PPP1R9A: variants seen among roughly 807,000 people sequenced by gnomAD.
The protein encoded by PPP1R9A is neurabin-1.
Under a neutral mutation model 141.9 loss-of-function variants are expected in PPP1R9A, and 59 were observed. The observed-to-expected ratio is 0.42, with a 90% CI of 0.34 to 0.52. The LOEUF (loss-of-function observed/expected upper bound fraction) is 0.52, where lower values mean the gene tolerates loss of function less well. Among genes scored for constraint, PPP1R9A ranks in the 20% least tolerant of loss-of-function variants. The probability of loss-of-function intolerance (pLI) is 0.10; values close to 1 mark genes in which losing one functional copy is unlikely to be tolerated. For missense variants in PPP1R9A, 1,444 were observed against 1,611.9 expected (o/e 0.90, Z 1.78); for synonymous variants, 500 against 569.7 (o/e 0.88, Z 1.74).
chr7:95,092,893 A>G (rs894238628), intron 2 of PPP1R9A, among the ~76,000 whole-genome samples: 6 of 152,318 alleles, frequency 3.9e-5, no homozygotes, highest in African/African-American at 1.4e-4. Flanking sequence ...TGAGAGAGTG[A>G]GGCTTAATTC....
At chr7:95,104,215 A>T (rs1340031877) in intron 2 of PPP1R9A, among the ~76,000 whole-genome samples, 1 of 152,168 alleles carries the variant, frequency 6.6e-6, no homozygotes, top group African/African-American at 2.4e-5. Flanking sequence ...TGGAGTAATA[A>T]CCTAACTAGT....
chr7:95,037,630 G>C (rs187783464), intron 2 of PPP1R9A, among the ~76,000 whole-genome samples: 1 of 152,238 alleles, frequency 6.6e-6, no homozygotes, highest in Admixed American at 6.5e-5. Flanking sequence ...CTTTGAATAT[G>C]CTCTATTCAT....
chr7:95,240,271 T>G (rs748999980), intron 8 of PPP1R9A, among the ~76,000 whole-genome samples: 2 of 152,076 alleles, frequency 1.3e-5, no homozygotes, highest in African/African-American at 4.8e-5. Context: ...GTTTTCACCT[T>G]GTACTTTAAA....
At chr7:95,269,553 C>T in intron 14 of PPP1R9A, 46 bp downstream of exon 14, 8 of 1,450,562 alleles carry the variant, frequency 5.5e-6, no homozygotes, top group Non-Finnish European at 7.5e-6. Context: ...TCAGCTTGTA[C>T]AGTATAAAAA....
At chr7:95,280,139 A>G (rs1803920204) in intron 16 of PPP1R9A, among the ~76,000 whole-genome samples, 1 of 152,210 alleles carries the variant, frequency 6.6e-6, no homozygotes, top group South Asian at 2.1e-4. Context: ...TCTAGATCCC[A>G]TTTAGATGAG....
At chr7:95,245,034 T>C (rs1337601340) in intron 8 of PPP1R9A, among the ~76,000 whole-genome samples, 1 of 152,202 alleles carries the variant, frequency 6.6e-6, no homozygotes. Flanking sequence ...GCTTGGCACA[T>C]GGTTGAAAGA....
At chr7:94,957,315 C>G (rs1287805415) in intron 2 of PPP1R9A, among the ~76,000 whole-genome samples, 1 of 152,034 alleles carries the variant, frequency 6.6e-6, no homozygotes, top group Non-Finnish European at 1.5e-5. Flanking sequence ...CTTGAAGTTC[C>G]TTATCTCTTA....
intron 2 of PPP1R9A, among the ~76,000 whole-genome samples, chr7:94,931,499 A>ATACTAC (rs912300473): frequency 6.6e-6 from 1 of 152,206 alleles, no homozygotes. Context: ...AATACTAGGT[A>ATACTAC]TACTAACCAA....
intron 4 of PPP1R9A, among the ~76,000 whole-genome samples, chr7:95,146,857 T>C (rs995835869): frequency 1.3e-5 from 2 of 152,230 alleles, no homozygotes; most frequent in Non-Finnish European, 2.9e-5. Context: ...TTGGCTTATA[T>C]ATCTGTTTTG....
chr7:95,123,220 T>C (rs529181010), intron 4 of PPP1R9A, among the ~76,000 whole-genome samples: 38 of 152,368 alleles, frequency 2.5e-4, no homozygotes, highest in African/African-American at 7.9e-4. Flanking sequence ...TATTTATAAC[T>C]ACATTAGAAC....
At chr7:95,181,242 T>C (rs1354552830) in intron 5 of PPP1R9A, among the ~76,000 whole-genome samples, 1 of 143,268 alleles carries the variant, frequency 7.0e-6, no homozygotes, top group Non-Finnish European at 1.5e-5. Flanking sequence ...ATATATAGTA[T>C]ATAGAGAATA....
intron 2 of PPP1R9A, among the ~76,000 whole-genome samples, chr7:95,058,886 T>C: frequency 6.6e-6 from 1 of 152,074 alleles, no homozygotes. Context: ...GACTCCCTGG[T>C]TCAAGTGATT....
chr7:95,155,093 T>C (rs768599410), intron 4 of PPP1R9A: 1 of 151,406 alleles, frequency 6.6e-6, no homozygotes, highest in Non-Finnish European at 1.5e-5. Flanking sequence ...GAAAAGAAAA[T>C]GAAAAATTCA....
intron 2 of PPP1R9A, among the ~76,000 whole-genome samples, chr7:95,052,759 T>C (rs1291569859): frequency 2.0e-5 from 3 of 152,214 alleles, no homozygotes; most frequent in Non-Finnish European, 4.4e-5. Context: ...GTTTTAGTTA[T>C]TGGCATCAAC....
intron 2 of PPP1R9A, among the ~76,000 whole-genome samples, chr7:95,055,806 CTAAG>C (rs1563174397): frequency 6.6e-6 from 1 of 152,094 alleles, no homozygotes; most frequent in African/African-American, 2.4e-5. Flanking sequence ...ACAATACACT[CTAAG>C]TTTGACCTCA....
At chr7:94,926,195 T>TGGG (rs1793465461) in intron 2 of PPP1R9A, among the ~76,000 whole-genome samples, 1 of 152,204 alleles carries the variant, frequency 6.6e-6, no homozygotes, top group African/African-American at 2.4e-5. Flanking sequence ...CAGTTACAAA[T>TGGG]GAAAGCTGGG....
At chr7:94,989,102 A>G (rs1019610676) in intron 2 of PPP1R9A, among the ~76,000 whole-genome samples, 4 of 152,082 alleles carry the variant, frequency 2.6e-5, no homozygotes, top group Admixed American at 2.6e-4. Context: ...AAGTAGGTCT[A>G]AATGTAGCCT....
chr7:94,967,107 G>A (rs1433855645), intron 2 of PPP1R9A, among the ~76,000 whole-genome samples: 1 of 152,172 alleles, frequency 6.6e-6, no homozygotes, highest in Non-Finnish European at 1.5e-5. Flanking sequence ...TTGCATAGAG[G>A]TGTTTATAGT....
At chr7:95,228,140 G>T (rs183622144) in intron 8 of PPP1R9A, among the ~76,000 whole-genome samples, 1 of 152,228 alleles carries the variant, frequency 6.6e-6, no homozygotes, top group African/African-American at 2.4e-5. Context: ...TTACAGGATT[G>T]TCTTAATTAT....
Sources: allele counts gnomAD v4.1 joint callset (sites outside exome capture counted in the v4.1 genomes callset), GRCh38; gene constraint gnomAD v4.1.1; transcripts MANE v1.5; gene names NCBI Gene and HGNC (gene_info 2026-07-23, HGNC 2026-07-21).